MACF1: variants seen among roughly 807,000 people sequenced by gnomAD.
MACF1 encodes the protein microtubule actin crosslinking factor 1, also known as microtubule-actin cross-linking factor 1.
MACF1 carries 193 observed loss-of-function variants against 854.8 expected under a neutral mutation model. The ratio of observed to expected loss-of-function variants is 0.23; its 90% CI spans 0.20 to 0.25. MACF1 has a LOEUF of 0.25. MACF1 is among the 10% of genes least tolerant of loss of function. The probability of loss-of-function intolerance (pLI) is 1.00; values close to 1 mark genes in which losing one functional copy is unlikely to be tolerated. For missense variants in MACF1, 7,722 were observed against 8,929.1 expected (o/e 0.86, Z 5.45); for synonymous variants, 3,185 against 3,226.7 (o/e 0.99, Z 0.44).
intron 2 of MACF1, chr1:39,103,485 G>T (rs1642143115): frequency 6.4e-6 from 1 of 156,388 alleles, no homozygotes; most frequent in South Asian, 1.9e-4. Flanking sequence ...CACTGACACA[G>T]TCAAGATCCC....
At chr1:39,414,631 G>C in intron 58 of MACF1, 1 of 1,196,074 alleles carries the variant, frequency 8.4e-7, no homozygotes, top group South Asian at 1.8e-5. Flanking sequence ...CAGTTTTTGG[G>C]GAAAATATAC....
At chr1:39,205,791 TA>T (rs34378777) in intron 1 of MACF1, among the ~76,000 whole-genome samples, 150,807 of 151,726 alleles carry the variant, frequency 0.99, 74,948 homozygotes, top group Middle Eastern at 1. Flanking sequence ...CTTTGATAAT[TA>T]AAAAAAAAAT....
chr1:39,268,650 C>G (rs949557121), intron 6 of MACF1: 3 of 1,218,648 alleles, frequency 2.5e-6, no homozygotes, highest in Non-Finnish European at 3.1e-6. Flanking sequence ...CTGTGGGATC[C>G]CAGGACTGGC....
chr1:39,359,399 T>C (rs1369975009), intron 47 of MACF1, 135 bp downstream of exon 47: 4 of 1,007,910 alleles, frequency 4.0e-6, no homozygotes, highest in African/African-American at 3.3e-5. Flanking sequence ...TGAATAGACA[T>C]AGATTGTCAT....
intron 1 of MACF1, among the ~76,000 whole-genome samples, chr1:39,212,693 G>T (rs1644531192): frequency 6.6e-6 from 1 of 152,130 alleles, no homozygotes; most frequent in South Asian, 2.1e-4. Context: ...CGCAATCTCG[G>T]CTCACAGCAA....
chr1:39,295,961 G>A (rs1645891664), intron 20 of MACF1, 79 bp downstream of exon 20: 13 of 1,265,732 alleles, frequency 1.0e-5, no homozygotes, highest in African/African-American at 1.5e-5. Flanking sequence ...CTGCGTTAGT[G>A]TGCTTTTGTT....
intron 97 of MACF1, among the ~76,000 whole-genome samples, chr1:39,470,199 T>C (rs997013989): frequency 1.3e-5 from 2 of 152,254 alleles, no homozygotes; most frequent in African/African-American, 4.8e-5. Flanking sequence ...ATAGTCATAT[T>C]CTGAAGCATT....
chr1:39,437,214 C>A (rs1477920518), intron 70 of MACF1, among the ~76,000 whole-genome samples: 4 of 145,884 alleles, frequency 2.7e-5, no homozygotes, highest in Non-Finnish European at 1.5e-5. Flanking sequence ...CTAGTATATT[C>A]ATATATTTAG....
intron 27 of MACF1, among the ~76,000 whole-genome samples, chr1:39,315,924 T>C (rs1442899269): frequency 6.6e-6 from 1 of 152,240 alleles, no homozygotes; most frequent in African/African-American, 2.4e-5. Context: ...GTTGGGACTA[T>C]GATTTACCTC....
At chr1:39,298,462 T>G (rs939022287) in intron 21 of MACF1, among the ~76,000 whole-genome samples, 10 of 152,190 alleles carry the variant, frequency 6.6e-5, no homozygotes, top group African/African-American at 2.2e-4. Context: ...AGGCTCAAGC[T>G]ACATCTCAAA....
At chr1:39,414,258 A>T (rs752796532) in intron 58 of MACF1, 2 of 1,614,040 alleles carry the variant, frequency 1.2e-6, no homozygotes, top group South Asian at 2.2e-5. Flanking sequence ...CTATGGAGGA[A>T]GTTTCCCCCA....
intron 2 of MACF1, among the ~76,000 whole-genome samples, chr1:39,152,603 T>G (rs1643603429): frequency 6.6e-6 from 1 of 152,160 alleles, no homozygotes; most frequent in Non-Finnish European, 1.5e-5. Flanking sequence ...ATCTTAGACG[T>G]CACAGTAAAA....
At chr1:39,355,059 C>G (rs576305496) in intron 44 of MACF1, among the ~76,000 whole-genome samples, 3 of 152,298 alleles carry the variant, frequency 2.0e-5, no homozygotes, top group South Asian at 4.1e-4. Flanking sequence ...TTAGTGGTGA[C>G]ACCTTTATAG....
At chr1:39,367,675 G>A (rs1417188111) in intron 49 of MACF1, among the ~76,000 whole-genome samples, 2 of 152,110 alleles carry the variant, frequency 1.3e-5, no homozygotes, top group Non-Finnish European at 2.9e-5. Flanking sequence ...CATTCTTTAC[G>A]TCCTGTCATG....
Position 39,347,053 on chromosome 1 carries a change from A to C in MACF1, c.10658A>C (p.Glu3553Ala). The C allele has an allele frequency of 6.2e-7, 1 of 1,614,192 alleles. No homozygotes were observed. The highest frequency in any genetic ancestry group is 1.1e-5 in the South Asian group (1 of 91,086). The change falls in exon 41 of 101, where the codon GAA becomes GCA. Residue 3553 changes from glutamate to alanine, a missense_variant. Transcript: ENST00000564288. ...LAFDIQFFISEHAQDLSPQQN... is the reference protein window; with the variant it reads ...LAFDIQFFISAHAQDLSPQQN... ...TTTGATATTCAGTTCTTTATCTCAG[A>C]ACATGCCCAGGACTTGTCCCCTCAG...
rs188866392 is a variant in MACF1 at position 39,314,510 on chromosome 1, A to C, written c.3271-1003A>C. 3.5e-3 allele frequency among the ~76,000 whole-genome samples: 528 copies of C among 151,870 alleles called. 3 individuals carry two copies. Among genetic ancestry groups the C allele is most frequent in the African/African-American group, 0.011 (468 of 41,362 alleles). On this transcript the variant is annotated intron_variant, in intron 26 of 100. Transcript: ENST00000564288. ...CATATACATGTACGTAAGTTTACAG[A>C]TATAGATCAATATATTTATTGATCT...
intron 90 of MACF1, 68 bp downstream of exon 90, chr1:39,458,558 G>A (rs1009183475): frequency 6.7e-7 from 1 of 1,498,140 alleles, no homozygotes; most frequent in Non-Finnish European, 8.9e-7. Flanking sequence ...CTTTCCAAAT[G>A]CCTATCAAAA....
At chr1:39,172,075 G>T (rs896189806) in intron 2 of MACF1, among the ~76,000 whole-genome samples, 3 of 152,192 alleles carry the variant, frequency 2.0e-5, no homozygotes, top group Non-Finnish European at 4.4e-5. Flanking sequence ...TCTTTCAGGG[G>T]ACTCTGAATG....
intron 2 of MACF1, among the ~76,000 whole-genome samples, chr1:39,112,118 G>C (rs1642425081): frequency 7.4e-6 from 1 of 134,432 alleles, no homozygotes; most frequent in South Asian, 2.3e-4. Context: ...ACAGAGTCTC[G>C]CTCTGTTGCC....
Sources: gnomAD v4.1 joint callset for allele counts (sites outside exome capture counted in the v4.1 genomes callset) on GRCh38, gnomAD v4.1.1 for gene constraint, MANE v1.5 for transcripts, NCBI Gene and HGNC (gene_info 2026-07-23, HGNC 2026-07-21) for gene names.